The following IFIT5 variants were observed in gnomAD, a reference collection of about 807,000 sequenced individuals.
IFIT5 encodes the protein interferon induced protein with tetratricopeptide repeats 5, also known as interferon-induced protein with tetratricopeptide repeats 5.
A neutral mutation model predicts 5.0 loss-of-function variants in IFIT5; 2 were observed. The observed-to-expected ratio is 0.40, with a 90% CI of 0.16 to 1.26. IFIT5 has a LOEUF of 1.26. Among genes scored for constraint, IFIT5 ranks in the 50% most tolerant of loss-of-function variants. The probability of loss-of-function intolerance (pLI) is 0.33; values close to 1 mark genes in which losing one functional copy is unlikely to be tolerated. For missense variants in IFIT5, 524 were observed against 563.2 expected, an observed-to-expected ratio of 0.93 and a Z score of 0.70; for synonymous variants, 206 against 204.6, an observed-to-expected ratio of 1.01 and a Z score of -0.06.
In IFIT5 at chr10:89,420,880, A is replaced by C. The variant is rs1841591635; in HGVS notation, c.*2232A>C. ...AAGTAAGTATAAATGGAATAAAATT[A>C]ATTAGGCTAATAGGCTTAACCCAGG... On this transcript the variant is annotated 3_prime_UTR_variant, in exon 2 of 2. Coordinates refer to ENST00000371795, the MANE Select transcript of IFIT5 (RefSeq NM_012420.3). The C allele has an allele frequency of 6.6e-6, 1 of 152,214 alleles. No homozygotes were observed. Among genetic ancestry groups the C allele is most frequent in the African/African-American group, 2.4e-5 (1 of 41,442 alleles). The allele number at this position is 152,214 out of a possible 1,614,324, so 9.4% of individuals were successfully genotyped here. A position where few individuals can be genotyped will look rare whatever the true frequency, so the allele number is the denominator to read the frequency against.
chr10:89,417,202 C>T lies in IFIT5; in HGVS notation c.6-3C>T. On this transcript the variant is annotated splice_polypyrimidine_tract_variant and splice_region_variant and intron_variant, in intron 1 of 1. Transcript: ENST00000371795. Reference sequence around the variant, plus strand: ...AAATTAAAAAGTATTTTATCTTTGACAGTGAAATTCGTAAGGACACCTTGA... The same window carrying T: ...AAATTAAAAAGTATTTTATCTTTGATAGTGAAATTCGTAAGGACACCTTGA... 6.4e-7 allele frequency: 1 copy of T among 1,560,332 alleles called. No homozygotes were observed. Among genetic ancestry groups the T allele is most frequent in the Non-Finnish European group, 8.7e-7 (1 of 1,152,538 alleles).
At chr10:89,414,925 C>A in intron 1 of IFIT5, 122 bp downstream of exon 1, 1 of 1,303,482 alleles carries the variant, frequency 7.7e-7, no homozygotes, top group Non-Finnish European at 1.0e-6. Flanking sequence ...CCCTCGCGCC[C>A]AGCAACCGGG....
At position 89,419,648 on chromosome 10, in the gene IFIT5, G is replaced by A. The variant is rs938764780; in HGVS notation, c.*1000G>A. ...AGCATTTCAAAGTGACTTCTATGAA[G>A]CTTTTTTTTTAATGTGAAATTTTCA... On this transcript the variant is annotated 3_prime_UTR_variant, in exon 2 of 2. Coordinates refer to ENST00000371795, the MANE Select transcript of IFIT5 (RefSeq NM_012420.3). 2.6e-5 allele frequency: 4 copies of A among 151,948 alleles called. No homozygotes were observed. The highest frequency in any genetic ancestry group is 9.7e-5 in the African/African-American group (4 of 41,422). 9.4% of individuals were successfully genotyped at this position (151,948 alleles called of 1,614,324 possible).
rs753188686 is a variant in IFIT5 at position 89,418,626 on chromosome 10, G to A, written c.1427G>A (p.Cys476Tyr). Residue 476 changes from cysteine (C) to tyrosine (Y), a missense_variant, in exon 2 of 2, where the codon TGT becomes TAT. Transcript: ENST00000371795. ...AATGCAGAATTCCTGACTGCTCTCT[G>A]TGAGCTCCGACTTTCCATTTAAATA... ...PENAEFLTAL[C>Y]ELRLSI 9.9e-6 allele frequency: 16 copies of A among 1,612,266 alleles called. No individual in the cohort carries two copies. The highest frequency in any genetic ancestry group is 1.6e-4 in the Middle Eastern group (1 of 6,076).
rs779073954 is a variant in IFIT5, at chr10:89,417,354, C to A, written c.155C>A (p.Ala52Asp). ...TTTCTTACCACAAAATCTAGACTTGCTCTTTATAACCTATTGGCCTATGTG... is the reference window on the plus strand; with the variant it reads ...TTTCTTACCACAAAATCTAGACTTGATCTTTATAACCTATTGGCCTATGTG... ...LEFLTTKSRLALYNLLAYVKH... is the reference protein window; with the variant it reads ...LEFLTTKSRLDLYNLLAYVKH... The change falls in exon 2 of 2, where the codon GCT becomes GAT. Residue 52 changes from alanine (A) to aspartate (D), a missense_variant. Coordinates refer to ENST00000371795, the MANE Select transcript of IFIT5 (RefSeq NM_012420.3). 86 of 1,614,010 alleles carry A rather than the reference C, an allele frequency of 5.3e-5. No individual in the cohort carries two copies. Among genetic ancestry groups the A allele is most frequent in the African/African-American group, 6.7e-5 (5 of 74,902 alleles).
Position 89,419,907 on chromosome 10 carries a change from A to G in IFIT5, c.*1259A>G, listed in dbSNP as rs992916947. 1.1e-4 allele frequency: 17 copies of G among 152,008 alleles called. No individual in the cohort carries two copies. Among genetic ancestry groups the G allele is most frequent in the African/African-American group, 3.9e-4 (16 of 41,386 alleles). The allele number at this position is 152,008 out of a possible 1,614,324, so 9.4% of individuals were successfully genotyped here. A position where few individuals can be genotyped will look rare whatever the true frequency, so the allele number is the denominator to read the frequency against. On this transcript the variant is annotated 3_prime_UTR_variant, in exon 2 of 2. Coordinates refer to ENST00000371795, the MANE Select transcript of IFIT5 (RefSeq NM_012420.3). ...TGTGATTTAATTCTCCATTCCTCCA[A>G]TGTAACTCTTAAAATTATTATGTAT...
chr10:89,417,616 G>C lies in IFIT5; in HGVS notation c.417G>C (p.Glu139Asp). Residue 139 changes from glutamate (E) to aspartate (D), a missense_variant, in exon 2 of 2, where the codon GAG becomes GAC. Coordinates refer to ENST00000371795, the MANE Select transcript of IFIT5 (RefSeq NM_012420.3). ...SPSNYKLECP[E>D]TDCEKGWALL... is the part of the protein sequence containing the mutation. The stretch of plus-strand genomic sequence containing the variant: ...CTAACTACAAGTTGGAGTGTCCTGA[G>C]ACTGACTGTGAGAAAGGCTGGGCAC... 1 of 1,614,236 alleles carries C rather than the reference G, an allele frequency of 6.2e-7. No homozygotes were observed. The highest frequency in any genetic ancestry group is 8.5e-7 in the Non-Finnish European group (1 of 1,180,034).
Position 89,418,018 on chromosome 10 carries a change from A to G in IFIT5, c.819A>G (p.Lys273=), listed in dbSNP as rs148357594. The G allele has an allele frequency of 9.8e-5, 159 of 1,614,236 alleles. No individual in the cohort carries two copies. In the African/African-American group the frequency reaches 1.9e-3, roughly 19 times the overall value. ...GGAACAAAGCTCTCGAACTTTTAAA[A>G]AAGGCCTTGGAGGTGACACCAACTT... ...NSWNKALELL[K]KALEVTPTSS... The change falls in exon 2 of 2, where the codon AAA becomes AAG. Residue 273 remains lysine, a synonymous_variant. Transcript: ENST00000371795.
rs1294997878 is a variant in IFIT5 at position 89,418,229 on chromosome 10, C to A, written c.1030C>A (p.Leu344Met). 6.2e-7 allele frequency: 1 copy of A among 1,614,192 alleles called. No homozygotes were observed. The highest frequency in any genetic ancestry group is 2.2e-5 in the East Asian group (1 of 44,882). ...TATGTTTGCATTTGCCTACACAGAC[C>A]TGGCCAACATGTACGCTGAAGGAGG... ...DSMFAFAYTD[L>M]ANMYAEGGQY... is the part of the protein sequence containing the mutation. Residue 344 changes from leucine (L) to methionine (M), a missense_variant, in exon 2 of 2, where the codon CTG becomes ATG. By Grantham distance (15) the Leu-to-Met change is conservative. Coordinates refer to ENST00000371795, the MANE Select transcript of IFIT5 (RefSeq NM_012420.3).
chr10:89,415,711 G>A (rs1841529341), intron 1 of IFIT5, among the ~76,000 whole-genome samples: 1 of 152,124 alleles, frequency 6.6e-6, no homozygotes, highest in Non-Finnish European at 1.5e-5. Flanking sequence ...TCTAAATCCG[G>A]ACTGAACTCC....
rs1240258963 is a variant in IFIT5, at chr10:89,417,398, A to C, written c.199A>C (p.Asn67His). The C allele has an allele frequency of 1.2e-6, 2 of 1,614,076 alleles. No individual in the cohort carries two copies. Among genetic ancestry groups the C allele is most frequent in the Non-Finnish European group, 1.7e-6 (2 of 1,180,050 alleles). The change falls in exon 2 of 2, where the codon AAT becomes CAT. Residue 67 changes from asparagine to histidine, a missense_variant. By Grantham distance (68) the Asn-to-His change is moderately conservative. Coordinates refer to ENST00000371795, the MANE Select transcript of IFIT5 (RefSeq NM_012420.3). ...CTATGTGAAACACCTAAAAGGCCAA[A>C]ATAAAGACGCCCTTGAGTGCTTGGA... ...LAYVKHLKGQ[N>H]KDALECLEQA...
rs1299821634 is a variant in IFIT5, at chr10:89,419,785, T to A, written c.*1137T>A. 1 of 152,154 alleles carries A rather than the reference T, an allele frequency of 6.6e-6. No individual in the cohort carries two copies. The highest frequency in any genetic ancestry group is 2.4e-5 in the African/African-American group (1 of 41,428). 9.4% of individuals were successfully genotyped at this position (152,154 alleles called of 1,614,324 possible). On this transcript the variant is annotated 3_prime_UTR_variant, in exon 2 of 2. Coordinates refer to ENST00000371795, the MANE Select transcript of IFIT5 (RefSeq NM_012420.3). ...AGGGCTCTTATCCCAGGGGACTTTT[T>A]AATTCGGATGTTACTTAATGTGGCT...
Position 89,418,582 on chromosome 10 carries a change from A to C in IFIT5, c.1383A>C (p.Ala461=). 6.2e-7 allele frequency: 1 copy of C among 1,614,172 alleles called. No homozygotes were observed. ...KRQAAEYYEK[A]QKIDPENAEF... ...AAGCTGCTGAGTACTATGAGAAGGC[A>C]CAAAAGATAGATCCAGAAAATGCAG... is the stretch of plus-strand genomic sequence containing the variant. The change falls in exon 2 of 2, where the codon GCA becomes GCC. Residue 461 remains alanine (A), a synonymous_variant. Coordinates refer to ENST00000371795, the MANE Select transcript of IFIT5 (RefSeq NM_012420.3).
In IFIT5 at chr10:89,417,755, C is replaced by T. The variant is rs1022141232; in HGVS notation, c.556C>T (p.Arg186Trp). ...CATCGGCTATGCTATCACAGTGTAT[C>T]GGCTGGATGATTCTGATAGAGAAGG... ...FNIGYAITVY[R>W]LDDSDREGSV... Residue 186 changes from arginine (R) to tryptophan (W), a missense_variant, in exon 2 of 2, where the codon CGG (arginine) becomes TGG (tryptophan). Arg to Trp is a moderately radical substitution (Grantham distance 101). Transcript: ENST00000371795. The T allele has an allele frequency of 6.8e-6, 11 of 1,614,026 alleles. No homozygotes were observed. The highest frequency in any genetic ancestry group is 1.6e-4 in the Middle Eastern group (1 of 6,084).
rs1405405475 is a variant in IFIT5, at chr10:89,420,365, A to G, written c.*1717A>G. The G allele has an allele frequency of 6.6e-6, 1 of 152,222 alleles. No individual in the cohort carries two copies. The highest frequency in any genetic ancestry group is 2.4e-5 in the African/African-American group (1 of 41,444). 9.4% of individuals were successfully genotyped at this position (152,222 alleles called of 1,614,324 possible). ...GTAGACACATTTGTCCCTTTCAGAT[A>G]TTTTAGGATATTCTAGCAAAGCAGG... On this transcript the variant is annotated 3_prime_UTR_variant, in exon 2 of 2. Transcript: ENST00000371795.
intron 1 of IFIT5, among the ~76,000 whole-genome samples, chr10:89,415,022 C>T (rs1372714176): frequency 6.6e-6 from 1 of 152,174 alleles, no homozygotes; most frequent in Non-Finnish European, 1.5e-5. Flanking sequence ...GCCGAGTGGA[C>T]GCTTCTCGGG....
Position 89,417,376 on chromosome 10 carries a change from T to C in IFIT5, c.177T>C (p.Tyr59=), listed in dbSNP as rs746793558. Residue 59 remains tyrosine, a synonymous_variant, in exon 2 of 2, where the codon TAT becomes TAC. Transcript: ENST00000371795. ...SRLALYNLLA[Y]VKHLKGQNKD... ...TTGCTCTTTATAACCTATTGGCCTA[T>C]GTGAAACACCTAAAAGGCCAAAATA... The C allele has an allele frequency of 8.2e-5, 133 of 1,614,172 alleles. 2 individuals carry two copies. In the Middle Eastern group the frequency reaches 1.2e-3, roughly 14 times the overall value.
chr10:89,418,111 A>G lies in IFIT5; in HGVS notation c.912A>G (p.Thr304=). ...AAATGATCCAAATCAAGAAGGCCAC[A>G]CACAACAGACCTAAAGGAAAGGATA... ...RAQMIQIKKA[T]HNRPKGKDKL... The change falls in exon 2 of 2, where the codon ACA becomes ACG. Residue 304 remains threonine, a synonymous_variant. Transcript: ENST00000371795. 1 of 1,614,214 alleles carries G rather than the reference A, an allele frequency of 6.2e-7. No individual in the cohort carries two copies. The highest frequency in any genetic ancestry group is 8.5e-7 in the Non-Finnish European group (1 of 1,180,022).
In IFIT5 at chr10:89,418,871, G is replaced by A; in HGVS notation, c.*223G>A. On this transcript the variant is annotated 3_prime_UTR_variant, in exon 2 of 2. Transcript: ENST00000371795. ...TAATTAAAATACTATAATCCATTGA[G>A]AAATAGCAATATTCTAGCTATTGTA... The A allele has an allele frequency of 5.1e-6, 2 of 394,210 alleles. No individual in the cohort carries two copies. Among genetic ancestry groups the A allele is most frequent in the South Asian group, 6.6e-5 (1 of 15,106 alleles). 24.4% of individuals were successfully genotyped at this position (394,210 alleles called of 1,614,324 possible). A position where few individuals can be genotyped will look rare whatever the true frequency, so the allele number is the denominator to read the frequency against.
Sources: allele counts gnomAD v4.1 joint callset (sites outside exome capture counted in the v4.1 genomes callset), GRCh38; gene constraint gnomAD v4.1.1; transcripts MANE v1.5; gene names NCBI Gene and HGNC (gene_info 2026-07-23, HGNC 2026-07-21).